Variants in ERG observed in about 807,000 individuals in gnomAD.
ERG encodes transcriptional regulator ERG.
ERG carries 9 observed loss-of-function variants against 55.3 expected under a neutral mutation model. The observed-to-expected ratio is 0.16, with a 90% confidence interval of 0.10 to 0.28. ERG has a LOEUF of 0.28. Among genes scored for constraint, ERG ranks in the 10% least tolerant of loss-of-function variants. The pLI is 1.00. For missense variants in ERG, 434 were observed against 631.6 expected (o/e 0.69, Z 3.35); for synonymous variants, 223 against 237.3 (o/e 0.94, Z 0.55).
intron 1 of ERG, among the ~76,000 whole-genome samples, chr21:38,621,031 T>C (rs2060287016): frequency 6.6e-6 from 1 of 152,200 alleles, no homozygotes; most frequent in African/African-American, 2.4e-5. Flanking sequence ...CAAAGATGCT[T>C]ATTGGGTATC....
chr21:38,637,689 G>A (rs17285455), intron 1 of ERG, among the ~76,000 whole-genome samples: 22,906 of 152,062 alleles, frequency 0.15, 1,876 homozygotes, highest in East Asian at 0.29. Context: ...TAATTTCCTC[G>A]TTTTTAACTT....
At chr21:38,407,647 T>TATATATATATATATATATAA (rs891801676) in intron 3 of ERG, among the ~76,000 whole-genome samples, 1 of 146,686 alleles carries the variant, frequency 6.8e-6, no homozygotes, top group Non-Finnish European at 1.5e-5. Context: ...TATATATATT[T>TATATATATATATATATATAA]AATGTATATT....
chr21:38,427,501 G>A (rs1197059526), intron 2 of ERG, among the ~76,000 whole-genome samples: 1 of 152,186 alleles, frequency 6.6e-6, no homozygotes, highest in Admixed American at 6.5e-5. Context: ...CTTTCCAGAG[G>A]TGTGAACTGA....
downstream of ERG, among the ~76,000 whole-genome samples, chr21:38,376,385 C>T (rs781679915): frequency 8.5e-5 from 13 of 152,324 alleles, no homozygotes; most frequent in African/African-American, 2.6e-4. Context: ...CCACCACTTC[C>T]GCTCTCTTTC....
intron 1 of ERG, among the ~76,000 whole-genome samples, chr21:38,622,258 G>A (rs532500238): frequency 3.3e-5 from 5 of 152,254 alleles, no homozygotes; most frequent in African/African-American, 7.2e-5. Flanking sequence ...GCTGCTTTCC[G>A]GGCCAAGTCA....
intron 1 of ERG, among the ~76,000 whole-genome samples, chr21:38,481,204 T>A (rs1343850033): frequency 6.6e-6 from 1 of 152,242 alleles, no homozygotes; most frequent in East Asian, 1.9e-4. Context: ...TAGATTATAG[T>A]TCTTCTAGGA....
intron 1 of ERG, among the ~76,000 whole-genome samples, chr21:38,447,806 T>C (rs1427801128): frequency 1.3e-5 from 2 of 152,014 alleles, no homozygotes; most frequent in Non-Finnish European, 2.9e-5. Context: ...GGCCTGAGAC[T>C]CGACCAAGGC....
At chr21:38,549,899 C>T (rs2059813013) in intron 2 of ERG, among the ~76,000 whole-genome samples, 1 of 152,162 alleles carries the variant, frequency 6.6e-6, no homozygotes, top group Non-Finnish European at 1.5e-5. Flanking sequence ...TCACTGAGCC[C>T]CTGCCTTCCC....
intron 2 of ERG, among the ~76,000 whole-genome samples, chr21:38,546,657 G>A (rs1188509578): frequency 6.6e-6 from 1 of 152,156 alleles, no homozygotes; most frequent in Non-Finnish European, 1.5e-5. Flanking sequence ...AGAACAATGA[G>A]GGAGAGCTGG....
intron 2 of ERG, among the ~76,000 whole-genome samples, chr21:38,436,659 G>T (rs2058792915): frequency 6.6e-6 from 1 of 152,176 alleles, no homozygotes; most frequent in Non-Finnish European, 1.5e-5. Context: ...GAGAAAACTG[G>T]ACAATATGTT....
intron 1 of ERG, among the ~76,000 whole-genome samples, chr21:38,614,991 T>C (rs772736990): frequency 3.9e-5 from 6 of 152,324 alleles, no homozygotes; most frequent in Non-Finnish European, 8.8e-5. Context: ...ATTTAATTAT[T>C]ATTAAGGCAA....
chr21:38,649,392 C>T (rs570185723), intron 1 of ERG, among the ~76,000 whole-genome samples: 3 of 152,272 alleles, frequency 2.0e-5, no homozygotes, highest in African/African-American at 7.2e-5. Flanking sequence ...CCCTTCCCTG[C>T]GAGCCACATG....
At chr21:38,440,537 G>A (rs2146544003) in intron 2 of ERG, among the ~76,000 whole-genome samples, 1 of 152,240 alleles carries the variant, frequency 6.6e-6, no homozygotes, top group Non-Finnish European at 1.5e-5. Context: ...AGCCCATAGT[G>A]AGGCCGGGCA....
chr21:38,405,405 C>T (rs967926123), intron 3 of ERG, among the ~76,000 whole-genome samples: 4 of 152,114 alleles, frequency 2.6e-5, no homozygotes, highest in Admixed American at 6.5e-5. Context: ...CATGCATACG[C>T]GTGAATGAGT....
intron 2 of ERG, among the ~76,000 whole-genome samples, chr21:38,440,103 C>A (rs533212603): frequency 6.6e-6 from 1 of 152,228 alleles, no homozygotes; most frequent in Non-Finnish European, 1.5e-5. Context: ...ATTTGACTTA[C>A]GTAACTTCCC....
intron 1 of ERG, among the ~76,000 whole-genome samples, chr21:38,591,686 C>A (rs1328405043): frequency 6.6e-6 from 1 of 152,034 alleles, no homozygotes; most frequent in Non-Finnish European, 1.5e-5. Context: ...AGTGAGACTC[C>A]TCAAAACAAA....
intron 1 of ERG, among the ~76,000 whole-genome samples, chr21:38,622,597 C>T (rs1322086450): frequency 1.3e-5 from 2 of 148,700 alleles, no homozygotes; most frequent in African/African-American, 5.0e-5. Flanking sequence ...ACACCACACA[C>T]AATCACACAC....
At chr21:38,415,836 A>G (rs1989254397) in intron 3 of ERG, among the ~76,000 whole-genome samples, 1 of 152,060 alleles carries the variant, frequency 6.6e-6, no homozygotes, top group South Asian at 2.1e-4. Flanking sequence ...TGTTAACTTG[A>G]TAAATCACAT....
At chr21:38,569,637 G>T (rs2836521) in intron 2 of ERG, among the ~76,000 whole-genome samples, 126,143 of 152,144 alleles carry the variant, frequency 0.83, 52,507 homozygotes, top group South Asian at 0.91. Context: ...CACCTTTGCA[G>T]GTACTCCCTA....
Sources: allele counts gnomAD v4.1 joint callset (sites outside exome capture counted in the v4.1 genomes callset), GRCh38; gene constraint gnomAD v4.1.1; transcripts MANE v1.5; gene names NCBI Gene and HGNC (gene_info 2026-07-23, HGNC 2026-07-21).